Variants in ZFPM1 observed in about 807,000 individuals in gnomAD.
ZFPM1 encodes the protein zinc finger protein, FOG family member 1.
In ZFPM1, 28 loss-of-function variants were observed where a neutral mutation model predicts 46.3. That is an observed-to-expected ratio of 0.60 (90% CI 0.45 to 0.83). The LOEUF is 0.83. Among genes scored for constraint, ZFPM1 ranks in the 40% least tolerant of loss-of-function variants. The probability of loss-of-function intolerance (pLI) is 0.00; values close to 1 mark genes in which losing one functional copy is unlikely to be tolerated. For synonymous variants in ZFPM1, 957 were observed against 675.9 expected (o/e 1.42, Z -6.45); for missense variants, 1,878 against 1,432.4 (o/e 1.31, Z -5.02).
chr16:88,470,498 G>A (rs1908366813), intron 1 of ZFPM1, among the ~76,000 whole-genome samples: 1 of 151,986 alleles, frequency 6.6e-6, no homozygotes, highest in African/African-American at 2.4e-5. Context: ...GGGCCGGGTG[G>A]TGACACTCAG....
chr16:88,509,141 C>T (rs183700669), intron 3 of ZFPM1, among the ~76,000 whole-genome samples: 1,679 of 152,344 alleles, frequency 0.011, 31 homozygotes, highest in African/African-American at 0.039. Flanking sequence ...CCAGCCTCAC[C>T]GCCAGTCCGC....
chr16:88,483,483 G>A (rs1201977566), intron 1 of ZFPM1, among the ~76,000 whole-genome samples: 1 of 152,212 alleles, frequency 6.6e-6, no homozygotes, highest in Non-Finnish European at 1.5e-5. Context: ...TGCCAGAGCT[G>A]TCTTCTCAGG....
rs898023055 is a variant in ZFPM1, at chr16:88,500,072, A to C, written c.268+10919A>C. Among the ~76,000 whole-genome samples, 5 of 152,194 alleles carry C rather than the reference A, an allele frequency of 3.3e-5. No homozygotes were observed. The South Asian group carries it at 1.0e-3, about 31-fold the overall frequency. On this transcript the variant is annotated intron_variant, in intron 3 of 9. Coordinates refer to ENST00000319555, the MANE Select transcript of ZFPM1 (RefSeq NM_153813.3). ...GGCCAGGGCAGCCTATCTCGGCCGC[A>C]GGCGCTAATCAAGCTGGCTTCCTCC...
At chr16:88,485,900 C>G (rs770871578) in intron 1 of ZFPM1, 39 bp from the exon 2 acceptor site, 3 of 1,591,910 alleles carry the variant, frequency 1.9e-6, no homozygotes, top group South Asian at 2.2e-5. Context: ...GCTGTCCCCC[C>G]AGAGCTCCTC....
Position 88,534,918 on chromosome 16 carries a change from C to A in ZFPM1, c.2960C>A (p.Ser987Tyr). The change falls in exon 10 of 10, where the codon TCC (serine) becomes TAC (tyrosine). Residue 987 changes from serine to tyrosine, a missense_variant. Physicochemically the swap from Ser to Tyr is moderately radical, Grantham distance 144. Coordinates refer to ENST00000319555, the MANE Select transcript of ZFPM1 (RefSeq NM_153813.3). ...RLCNIKFSSL[S>Y]TFIAHKKYYC... The stretch of plus-strand genomic sequence containing the variant: ...TGCAACATCAAGTTCAGCAGCCTGT[C>A]CACCTTCATCGCCCACAAGAAGTAT... The A allele has an allele frequency of 6.4e-7, 1 of 1,553,466 alleles. No individual in the cohort carries two copies. Among genetic ancestry groups the A allele is most frequent in the Non-Finnish European group, 8.7e-7 (1 of 1,152,070 alleles).
intron 3 of ZFPM1, among the ~76,000 whole-genome samples, chr16:88,505,397 CG>C (rs1910593077): frequency 6.6e-6 from 1 of 152,240 alleles, no homozygotes; most frequent in African/African-American, 2.4e-5. Flanking sequence ...CTCAGGTCCA[CG>C]GTGTCCCAGT....
At chr16:88,501,136 CCATCCCGCAGGTGCTGGTGATG>C in intron 3 of ZFPM1, among the ~76,000 whole-genome samples, 1 of 145,620 alleles carries the variant, frequency 6.9e-6, no homozygotes, top group African/African-American at 2.6e-5. Context: ...GATGCGGGGG[CCATCCCGCAGGTGCTGGTGATG>C]ATGGAGATAG....
chr16:88,509,630 C>T (rs936416572), intron 3 of ZFPM1, among the ~76,000 whole-genome samples: 8 of 152,134 alleles, frequency 5.3e-5, no homozygotes, highest in South Asian at 2.1e-4. Context: ...GGGAGGCGGG[C>T]GGCTGAGCAG....
chr16:88,476,096 A>G (rs1168015817), intron 1 of ZFPM1, among the ~76,000 whole-genome samples: 1 of 151,998 alleles, frequency 6.6e-6, no homozygotes. Context: ...CTCAGACCCC[A>G]CAGGGGCAGG....
intron 1 of ZFPM1, among the ~76,000 whole-genome samples, chr16:88,483,524 C>T (rs1243377331): frequency 6.6e-6 from 1 of 152,168 alleles, no homozygotes; most frequent in Non-Finnish European, 1.5e-5. Flanking sequence ...CTGTTCCCTC[C>T]GAGATCTACC....
Position 88,488,366 on chromosome 16 carries a change from G to A in ZFPM1, c.146-665G>A, listed in dbSNP as rs866190137. ...ACCTGGCACCGCCCGTAGTGATAGC[G>A]TGGCGATGGGCGCGATAACACAGCA... On this transcript the variant is annotated intron_variant, in intron 2 of 9. Coordinates refer to ENST00000319555, the MANE Select transcript of ZFPM1 (RefSeq NM_153813.3). Among the ~76,000 whole-genome samples, 13 of 152,364 alleles carry A rather than the reference G, an allele frequency of 8.5e-5. No individual in the cohort carries two copies. In the South Asian group the frequency reaches 1.2e-3, roughly 15 times the overall value.
chr16:88,486,359 TCAGTAGA>T (rs1909223783), intron 2 of ZFPM1, among the ~76,000 whole-genome samples: 1 of 152,200 alleles, frequency 6.6e-6, no homozygotes, highest in East Asian at 1.9e-4. Context: ...CCTCCCAGCC[TCAGTAGA>T]CCCTCTGTGA....
In ZFPM1 at chr16:88,533,969, A is replaced by T. The variant is rs760589023; in HGVS notation, c.2011A>T (p.Ser671Cys). 1 of 1,312,310 alleles carries T rather than the reference A, an allele frequency of 7.6e-7. No individual in the cohort carries two copies. The highest frequency in any genetic ancestry group is 9.9e-7 in the Non-Finnish European group (1 of 1,012,334). 81.3% of individuals were successfully genotyped at this position (1,312,310 alleles called of 1,614,324 possible). A position where few individuals can be genotyped will look rare whatever the true frequency, so the allele number is the denominator to read the frequency against. The change falls in exon 10 of 10, where the codon AGC becomes TGC. Residue 671 changes from serine (S) to cysteine (C), a missense_variant. Physicochemically the swap from Ser to Cys is moderately radical, Grantham distance 112. Transcript: ENST00000319555. ...RGSEGSQSPG[S>C]SVDDAEDDPS... ...CAGCGAGGGCAGCCAGAGCCCGGGT[A>T]GCTCCGTGGACGACGCGGAGGACGA... is the stretch of plus-strand genomic sequence containing the variant.
chr16:88,520,273 T>C (rs1911729045), intron 4 of ZFPM1, among the ~76,000 whole-genome samples: 1 of 150,510 alleles, frequency 6.6e-6, no homozygotes, highest in African/African-American at 2.5e-5. Flanking sequence ...AGTGGATGGA[T>C]GGATGGATAG....
In ZFPM1 at chr16:88,534,306, C is replaced by A. The variant is rs1251585317; in HGVS notation, c.2348C>A (p.Pro783His). The change falls in exon 10 of 10, where the codon CCT (proline) becomes CAT (histidine). Residue 783 changes from proline (P) to histidine (H), a missense_variant. Physicochemically the swap from Pro to His is moderately conservative, Grantham distance 77. Coordinates refer to ENST00000319555, the MANE Select transcript of ZFPM1 (RefSeq NM_153813.3). ...SGSGSGPGLA[P>H]ARSPGPAADG... ...AGCGGAAGCGGCCCCGGCCTCGCCCCTGCGCGCTCGCCCGGCCCCGCGGCC... is the reference window on the plus strand; with the variant it reads ...AGCGGAAGCGGCCCCGGCCTCGCCCATGCGCGCTCGCCCGGCCCCGCGGCC... 2 of 1,301,090 alleles carry A rather than the reference C, an allele frequency of 1.5e-6. No individual in the cohort carries two copies. The highest frequency in any genetic ancestry group is 1.6e-5 in the African/African-American group (1 of 63,176). The allele number at this position is 1,301,090 out of a possible 1,614,324, so 80.6% of individuals were successfully genotyped here. A position where few individuals can be genotyped will look rare whatever the true frequency, so the allele number is the denominator to read the frequency against.
Position 88,524,124 on chromosome 16 carries a change from G to A in ZFPM1, c.403-2690G>A, listed in dbSNP as rs541847358. On this transcript the variant is annotated intron_variant, in intron 4 of 9. Transcript: ENST00000319555. ...GGGACGAATAATTAGATTTCATATC[G>A]TTACCGCAGCACCCATCGGAGGATC... is the stretch of plus-strand genomic sequence containing the variant. Among the ~76,000 whole-genome samples, 23 of 152,306 alleles carry A rather than the reference G, an allele frequency of 1.5e-4. No individual in the cohort carries two copies. In the South Asian group the frequency reaches 2.7e-3, roughly 18 times the overall value.
At chr16:88,458,926 G>A (rs1392016520) in intron 1 of ZFPM1, among the ~76,000 whole-genome samples, 2 of 152,214 alleles carry the variant, frequency 1.3e-5, no homozygotes, top group African/African-American at 2.4e-5. Context: ...CTCTGGATGC[G>A]CTGTCCTTGC....
intron 3 of ZFPM1, among the ~76,000 whole-genome samples, chr16:88,489,724 G>C (rs866677194): frequency 1.3e-5 from 2 of 152,366 alleles, no homozygotes; most frequent in Middle Eastern, 3.4e-3. Context: ...TTTGCAGCTG[G>C]AGTTCTGACC....
intron 3 of ZFPM1, among the ~76,000 whole-genome samples, chr16:88,494,741 T>G (rs1420723184): frequency 6.6e-6 from 1 of 151,884 alleles, no homozygotes; most frequent in Non-Finnish European, 1.5e-5. Flanking sequence ...CCTGTGGCCT[T>G]GGACTCCAGT....
Sources: allele counts gnomAD v4.1 joint callset (sites outside exome capture counted in the v4.1 genomes callset), GRCh38; gene constraint gnomAD v4.1.1; transcripts MANE v1.5; gene names NCBI Gene and HGNC (gene_info 2026-07-23, HGNC 2026-07-21).